Variants in KIF13B observed in about 807,000 individuals in gnomAD.
The protein encoded by KIF13B is kinesin-like protein KIF13B.
KIF13B carries 127 observed loss-of-function variants against 222.0 expected under a neutral mutation model. That is an observed-to-expected ratio of 0.57 (90% CI 0.50 to 0.66). The LOEUF (loss-of-function observed/expected upper bound fraction) is 0.66. Ranked by LOEUF, KIF13B falls within the 30% of genes least tolerant of loss-of-function variation. KIF13B has a pLI of 0.00. For missense variants in KIF13B, 2,173 were observed against 2,379.0 expected (o/e 0.91, Z 1.80); for synonymous variants, 976 against 919.0 (o/e 1.06, Z -1.12).
chr8:29,186,613 T>C lies in KIF13B; in HGVS notation c.317-141A>G. The C allele has an allele frequency of 2.6e-5, 16 of 622,826 alleles. No homozygotes were observed. In the South Asian group the frequency reaches 3.5e-4, roughly 14 times the overall value. The allele number at this position is 622,826 out of a possible 1,614,324, so 38.6% of individuals were successfully genotyped here. ...ACCCAAATATAATGAGAATAATAAG[T>C]ACAGAAGCTTTTTTACTGCACATGT... On this transcript the variant is annotated intron_variant, in intron 5 of 39. Transcript: ENST00000524189.
chr8:29,232,915 C>T (rs1193567210), intron 2 of KIF13B, among the ~76,000 whole-genome samples: 3 of 151,954 alleles, frequency 2.0e-5, no homozygotes, highest in East Asian at 1.9e-4. Context: ...CCAGCACTTT[C>T]GGAGGCCAAG....
rs746416550 is a variant in KIF13B, at chr8:29,126,474, T to C, written c.3252+8A>G. 4.4e-5 allele frequency: 67 copies of C among 1,527,656 alleles called. No homozygotes were observed. Among genetic ancestry groups the C allele is most frequent in the Non-Finnish European group, 5.6e-5 (62 of 1,110,596 alleles). 94.6% of individuals were successfully genotyped at this position (1,527,656 alleles called of 1,614,324 possible). A position where few individuals can be genotyped will look rare whatever the true frequency, so the allele number is the denominator to read the frequency against. On this transcript the variant is annotated splice_region_variant and intron_variant, in intron 26 of 39. Transcript: ENST00000524189. ...TATTTGAGATGAGATTAACAGGTGC[T>C]AAATTACCTGGTAGCTGTCCATGTC...
chr8:29,126,098 C>A (rs1045239052), intron 26 of KIF13B, among the ~76,000 whole-genome samples: 79 of 150,460 alleles, frequency 5.3e-4, no homozygotes, highest in Admixed American at 9.3e-4. Context: ...AAAAAAAAAA[C>A]AAAAACAAAC....
chr8:29,262,691 G>GAGGGCAAA (rs1816725829), intron 1 of KIF13B, among the ~76,000 whole-genome samples: 1 of 151,312 alleles, frequency 6.6e-6, no homozygotes, highest in East Asian at 2.0e-4. Flanking sequence ...GGGGAGACGA[G>GAGGGCAAA]AGGGCAAAAG....
intron 36 of KIF13B, 35 bp from the exon 37 acceptor site, chr8:29,092,913 T>C: frequency 6.4e-7 from 1 of 1,554,710 alleles, no homozygotes. Flanking sequence ...ATAAAACAAA[T>C]ACAATTACAT....
At chr8:29,095,255 T>C (rs1808471406) in intron 36 of KIF13B, among the ~76,000 whole-genome samples, 1 of 152,128 alleles carries the variant, frequency 6.6e-6, no homozygotes, top group Non-Finnish European at 1.5e-5. Context: ...CAAACAAAGA[T>C]ACCACACTGA....
Position 29,181,906 on chromosome 8 carries a change from A to G in KIF13B, c.585+13T>C. On this transcript the variant is annotated intron_variant, in intron 7 of 39. Coordinates refer to ENST00000524189, the MANE Select transcript of KIF13B (RefSeq NM_015254.4). ...CACTAAATTTAAATAGTTCACATAC[A>G]GGATGTTGTTACCTTGTAGCTTGTG... 2 of 1,597,562 alleles carry G rather than the reference A, an allele frequency of 1.3e-6. No homozygotes were observed. The highest frequency in any genetic ancestry group is 1.7e-6 in the Non-Finnish European group (2 of 1,166,662).
At chr8:29,146,343 A>G (rs1811057958) in intron 18 of KIF13B, 35 bp downstream of exon 18, 4 of 1,608,818 alleles carry the variant, frequency 2.5e-6, no homozygotes, top group Non-Finnish European at 3.4e-6. Flanking sequence ...TTATCCAATG[A>G]GATCTTTGTT....
chr8:29,151,917 T>A (rs1811315636), intron 14 of KIF13B, among the ~76,000 whole-genome samples: 3 of 152,146 alleles, frequency 2.0e-5, no homozygotes, highest in South Asian at 4.1e-4. Context: ...TAATGGATCT[T>A]GGCAAAGTAA....
intron 14 of KIF13B, among the ~76,000 whole-genome samples, chr8:29,154,813 G>A (rs1811445959): frequency 6.6e-6 from 1 of 152,178 alleles, no homozygotes; most frequent in Non-Finnish European, 1.5e-5. Context: ...AGCTGTGAGG[G>A]CCACACCAGC....
At chr8:29,231,244 A>G (rs1161188030) in intron 2 of KIF13B, among the ~76,000 whole-genome samples, 1 of 152,190 alleles carries the variant, frequency 6.6e-6, no homozygotes, top group Non-Finnish European at 1.5e-5. Context: ...CATGATGTAA[A>G]TAGATGAAGG....
chr8:29,118,796 G>A (rs897869382), intron 30 of KIF13B, 72 bp downstream of exon 30: 4 of 1,520,206 alleles, frequency 2.6e-6, no homozygotes, highest in Middle Eastern at 1.8e-4. Flanking sequence ...TTGCCTTATT[G>A]TTTCAAAAAG....
chr8:29,091,723 T>C (rs901440024), intron 37 of KIF13B, among the ~76,000 whole-genome samples: 6 of 152,220 alleles, frequency 3.9e-5, no homozygotes, highest in African/African-American at 1.2e-4. Flanking sequence ...AATCACTGCC[T>C]ACCTCGGTCC....
At position 29,253,828 on chromosome 8, in the gene KIF13B, C is replaced by CAA. The variant is rs1163069689; in HGVS notation, c.56-8391_56-8390dup. Among the ~76,000 whole-genome samples the CAA allele has an allele frequency of 6.7e-3, 145 of 21,540 alleles. 15 individuals carry two copies. Among genetic ancestry groups the CAA allele is most frequent in the African/African-American group, 0.015 (91 of 6,158 alleles). The allele number at this position is 21,540 out of a possible 152,430, so 14.1% of individuals were successfully genotyped here. On this transcript the variant is annotated intron_variant, in intron 1 of 39. Transcript: ENST00000524189. Reference sequence around the variant, plus strand: ...CTGGGTGAGAAGAGTGAGACTGTCTCAAAAAAAAAAAAAAAAAAAAAAAAA... The same window carrying CAA: ...CTGGGTGAGAAGAGTGAGACTGTCTCAAAAAAAAAAAAAAAAAAAAAAAAAAA...
At chr8:29,124,187 C>G in intron 26 of KIF13B, 64 bp from the exon 27 acceptor site, 3 of 958,968 alleles carry the variant, frequency 3.1e-6, no homozygotes, top group Non-Finnish European at 4.9e-6. Flanking sequence ...GAAACTGATG[C>G]TCTATCTTAC....
At chr8:29,143,989 G>T (rs1286790569) in intron 18 of KIF13B, among the ~76,000 whole-genome samples, 5 of 150,016 alleles carry the variant, frequency 3.3e-5, no homozygotes, top group Non-Finnish European at 7.4e-5. Context: ...TGAGCAATGT[G>T]TTTTTAATGT....
chr8:29,236,728 T>A (rs1307537112), intron 2 of KIF13B, among the ~76,000 whole-genome samples: 2 of 152,138 alleles, frequency 1.3e-5, no homozygotes, highest in African/African-American at 4.8e-5. Flanking sequence ...TACCTGTGCT[T>A]TTTAAAAGAA....
At chr8:29,174,031 T>C (rs532992775) in intron 10 of KIF13B, among the ~76,000 whole-genome samples, 105 of 152,186 alleles carry the variant, frequency 6.9e-4, no homozygotes, top group African/African-American at 2.5e-3. Flanking sequence ...GCACGTTTGA[T>C]ATATGTAAAC....
At chr8:29,144,832 A>G (rs949092680) in intron 18 of KIF13B, among the ~76,000 whole-genome samples, 1 of 152,242 alleles carries the variant, frequency 6.6e-6, no homozygotes, top group African/African-American at 2.4e-5. Flanking sequence ...CTGTTGCACG[A>G]AAGACTACAG....
Sources: gnomAD v4.1 joint callset for allele counts (sites outside exome capture counted in the v4.1 genomes callset) on GRCh38, gnomAD v4.1.1 for gene constraint, MANE v1.5 for transcripts, NCBI Gene and HGNC (gene_info 2026-07-23, HGNC 2026-07-21) for gene names.